The following CASP6 variants were observed in gnomAD, a reference collection of about 807,000 sequenced individuals.
CASP6 encodes the protein caspase 6, also known as caspase-6.
In CASP6, 20 loss-of-function variants were observed where a neutral mutation model predicts 31.8. That is an observed-to-expected ratio of 0.63 (90% CI 0.44 to 0.91). The LOEUF (loss-of-function observed/expected upper bound fraction) is 0.91, where lower values mean the gene tolerates loss of function less well. CASP6 is among the 40% of genes least tolerant of loss of function. CASP6 has a pLI of 0.00. For synonymous variants in CASP6, 130 were observed against 127.8 expected (o/e 1.02, Z -0.12); for missense variants, 328 against 361.1 (o/e 0.91, Z 0.74).
the CASP6 span, among the ~76,000 whole-genome samples, chr4:109,678,044 A>G: frequency 6.6e-6 from 1 of 151,970 alleles, no homozygotes; most frequent in East Asian, 1.9e-4. Flanking sequence ...GCCTTCAGGC[A>G]TCTGTTTAAC....
chr4:109,691,550 C>G (rs1730056909), intron 5 of CASP6, among the ~76,000 whole-genome samples: 1 of 152,146 alleles, frequency 6.6e-6, no homozygotes, highest in African/African-American at 2.4e-5. Context: ...CCCACTAATT[C>G]TGACTCACTC....
chr4:109,705,989 AAAAAAAAAAAAAATAT>A (rs1260295927), upstream of CASP6, among the ~76,000 whole-genome samples: 6 of 67,972 alleles, frequency 8.8e-5, no homozygotes, highest in Admixed American at 3.0e-4. Flanking sequence ...AAAAAAAAAA[AAAAAAAAAAAAAATAT>A]ATATATATAT....
At chr4:109,680,778 T>C in the CASP6 span, among the ~76,000 whole-genome samples, 1 of 152,192 alleles carries the variant, frequency 6.6e-6, no homozygotes, top group African/African-American at 2.4e-5. Flanking sequence ...TCTAGACATA[T>C]GTCTCTCTTG....
chr4:109,703,249 C>G, intron 1 of CASP6, 107 bp downstream of exon 1: 2 of 1,311,250 alleles, frequency 1.5e-6, no homozygotes, highest in Non-Finnish European at 2.1e-6. Context: ...CCGAAGGAAC[C>G]CGCGGCCCCA....
chr4:109,667,567 C>T, the CASP6 span, among the ~76,000 whole-genome samples: 1 of 150,282 alleles, frequency 6.7e-6, no homozygotes, highest in Non-Finnish European at 1.5e-5. Context: ...TGTGGGTTTC[C>T]TGTTCTCAAT....
At position 109,689,519 on chromosome 4, in the gene CASP6, A is replaced by G; in HGVS notation, c.693T>C (p.Asp231=). ...ETVNGSWYIQ[D]LCEMLGKYGS... Reference sequence around the variant, plus strand: ...CATATTTTCCCAACATCTCACACAAATCTTGAATGTACCATGAGCCGTTCA... The same window carrying G: ...CATATTTTCCCAACATCTCACACAAGTCTTGAATGTACCATGAGCCGTTCA... The change falls in exon 7 of 7, where the codon GAT becomes GAC. Residue 231 remains aspartate, a synonymous_variant. Coordinates refer to ENST00000265164, the MANE Select transcript of CASP6 (RefSeq NM_001226.4). 1.2e-6 allele frequency: 2 copies of G among 1,614,194 alleles called. No individual in the cohort carries two copies. The highest frequency in any genetic ancestry group is 8.5e-7 in the Non-Finnish European group (1 of 1,180,042).
the CASP6 span, among the ~76,000 whole-genome samples, chr4:109,679,420 C>A: frequency 1.4e-3 from 208 of 152,302 alleles, no homozygotes; most frequent in African/African-American, 4.9e-3. Flanking sequence ...CCGAGGCGGG[C>A]AGATCACCTG....
At chr4:109,700,468 G>A (rs944796967) in intron 1 of CASP6, among the ~76,000 whole-genome samples, 2 of 152,204 alleles carry the variant, frequency 1.3e-5, no homozygotes, top group African/African-American at 2.4e-5. Flanking sequence ...GACATAGTGT[G>A]CTATGACTGC....
chr4:109,709,511 T>C, the CASP6 span, among the ~76,000 whole-genome samples: 1 of 152,178 alleles, frequency 6.6e-6, no homozygotes, highest in East Asian at 1.9e-4. Flanking sequence ...CCCTCATATC[T>C]CAATCGTGTC....
downstream of CASP6, chr4:109,688,439 A>G (rs946166436): frequency 5.3e-5 from 8 of 152,190 alleles, no homozygotes; most frequent in East Asian, 1.9e-4. Context: ...TATGTTTTCT[A>G]TTTCATCCTC....
chr4:109,685,375 A>G (rs755161013), downstream of CASP6: 1 of 1,166,922 alleles, frequency 8.6e-7, no homozygotes, highest in Non-Finnish European at 1.3e-6. Context: ...AAGGTATACT[A>G]CAAATACATC....
chr4:109,667,112 A>G, the CASP6 span, among the ~76,000 whole-genome samples: 2 of 152,250 alleles, frequency 1.3e-5, no homozygotes, highest in East Asian at 3.9e-4. Context: ...AGAATGAGTT[A>G]GGAAGTATTC....
At chr4:109,668,447 T>C in the CASP6 span, among the ~76,000 whole-genome samples, 3 of 152,146 alleles carry the variant, frequency 2.0e-5, no homozygotes, top group Non-Finnish European at 2.9e-5. Context: ...GAAATTAATA[T>C]AGCTATTTCA....
the CASP6 span, among the ~76,000 whole-genome samples, chr4:109,678,451 G>A: frequency 6.8e-6 from 1 of 146,610 alleles, no homozygotes; most frequent in Non-Finnish European, 1.5e-5. Flanking sequence ...CGGGCGGGCA[G>A]AGACGCTCCT....
chr4:109,685,016 T>C, downstream of CASP6: 1 of 408,728 alleles, frequency 2.4e-6, no homozygotes, highest in East Asian at 3.9e-5. Flanking sequence ...CCTTCTTCTT[T>C]CCCATTATGT....
chr4:109,704,691 T>C (rs538330789), upstream of CASP6, among the ~76,000 whole-genome samples: 143 of 152,334 alleles, frequency 9.4e-4, no homozygotes, highest in African/African-American at 3.3e-3. Context: ...CTAAAATCAT[T>C]GATAAAGGCA....
downstream of CASP6, chr4:109,684,558 A>T: frequency 1.2e-6 from 2 of 1,608,620 alleles, no homozygotes; most frequent in Non-Finnish European, 1.7e-6. Context: ...TGGTGGGTGT[A>T]CTCCTGGGAT....
At chr4:109,687,450 C>A, downstream of CASP6, 2 of 1,113,894 alleles carry the variant, frequency 1.8e-6, no homozygotes, top group South Asian at 1.3e-5. Flanking sequence ...GAATTCCTCT[C>A]AAGCAGTAAT....
chr4:109,698,329 G>A lies in CASP6; in HGVS notation c.54C>T (p.Asn18=). The stretch of plus-strand genomic sequence containing the variant: ...TATAGAAGGCATCTGTTTCTGTCAT[G>A]TTTTCTTCCCCACCTATTAAAAAAA... The part of the protein sequence containing the change: ...RRGHPAGGEE[N]MTETDAFYKR... Residue 18 remains asparagine (N), a synonymous_variant, in exon 2 of 7, where the codon AAC becomes AAT. Transcript: ENST00000265164. The A allele has an allele frequency of 6.2e-7, 1 of 1,610,614 alleles. No individual in the cohort carries two copies. The highest frequency in any genetic ancestry group is 8.5e-7 in the Non-Finnish European group (1 of 1,178,894).
Sources: allele counts gnomAD v4.1 joint callset (sites outside exome capture counted in the v4.1 genomes callset), GRCh38; gene constraint gnomAD v4.1.1; transcripts MANE v1.5; gene names NCBI Gene and HGNC (gene_info 2026-07-23, HGNC 2026-07-21).